Variants in MYOF observed in about 807,000 individuals in gnomAD.
MYOF encodes fer-1-like 3, myoferlin.
Under a neutral mutation model 284.2 loss-of-function variants are expected in MYOF, and 244 were observed. The observed-to-expected ratio is 0.86, with a 90% CI of 0.77 to 0.95. The LOEUF is 0.95. MYOF is among the 40% of genes least tolerant of loss of function. The pLI is 0.00. For missense variants in MYOF, 2,496 were observed against 2,560.6 expected, an observed-to-expected ratio of 0.97 and a Z score of 0.54; for synonymous variants, 904 against 919.7, an observed-to-expected ratio of 0.98 and a Z score of 0.31.
chr10:93,364,114 G>C (rs769041171), intron 26 of MYOF, 39 bp from the exon 27 acceptor site: 2 of 1,577,106 alleles, frequency 1.3e-6, no homozygotes, highest in Non-Finnish European at 1.7e-6. Flanking sequence ...CAAGGAGACC[G>C]GGTAACCGGC....
chr10:93,368,424 C>G (rs1845424595), intron 25 of MYOF, among the ~76,000 whole-genome samples: 1 of 152,348 alleles, frequency 6.6e-6, no homozygotes, highest in Admixed American at 6.5e-5. Context: ...AGTCTGCATG[C>G]TTAACAAGAG....
chr10:93,335,615 C>A (rs557197960), intron 41 of MYOF, among the ~76,000 whole-genome samples: 1 of 134,772 alleles, frequency 7.4e-6, no homozygotes, highest in African/African-American at 2.7e-5. Context: ...GGAAGAGATG[C>A]GGAGATGGCT....
intron 2 of MYOF, among the ~76,000 whole-genome samples, chr10:93,453,372 G>A (rs2056648424): frequency 6.6e-6 from 1 of 152,114 alleles, no homozygotes; most frequent in Admixed American, 6.6e-5. Context: ...CACCATGTTG[G>A]CCAGGCTGGT....
chr10:93,378,681 A>ATGTGTGTGTGTGTGTG (rs142030025), intron 21 of MYOF, among the ~76,000 whole-genome samples: 2 of 99,330 alleles, frequency 2.0e-5, no homozygotes, highest in African/African-American at 7.8e-5. Flanking sequence ...GTGTGTGTGT[A>ATGTGTGTGTGTGTGTG]TGTGTGTGTG....
intron 3 of MYOF, among the ~76,000 whole-genome samples, chr10:93,438,726 G>A (rs915865025): frequency 6.6e-6 from 1 of 152,114 alleles, no homozygotes; most frequent in Admixed American, 6.5e-5. Flanking sequence ...CTGGGGAGAG[G>A]GGGGCTTGAG....
intron 1 of MYOF, among the ~76,000 whole-genome samples, chr10:93,462,068 C>T (rs2056895427): frequency 6.8e-6 from 1 of 147,008 alleles, no homozygotes; most frequent in Non-Finnish European, 1.5e-5. Context: ...ATGCTCACTG[C>T]AGGCTGGGCA....
At position 93,354,691 on chromosome 10, in the gene MYOF, CT is replaced by C. The variant is rs1564643845; in HGVS notation, c.3404-804del. Among the ~76,000 whole-genome samples, 9 of 151,820 alleles carry C rather than the reference CT, an allele frequency of 5.9e-5. No homozygotes were observed. The East Asian group carries it at 1.7e-3, about 29-fold the overall frequency. On this transcript the variant is annotated intron_variant, in intron 31 of 53. Transcript: ENST00000359263. The stretch of plus-strand genomic sequence containing the variant: ...ACTCTCTCTCTCTCTCTCTCTCTCT[CT>C]CTCTCTCTCTTTGTGAGATAGCAGA...
At chr10:93,323,529 T>A in intron 46 of MYOF, 171 bp from the exon 47 acceptor site, 1 of 638,572 alleles carries the variant, frequency 1.6e-6, no homozygotes, top group Non-Finnish European at 2.6e-6. Flanking sequence ...TAATCTTTTA[T>A]GTACAATGTC....
chr10:93,446,207 C>A (rs1380761855), intron 3 of MYOF, among the ~76,000 whole-genome samples: 2 of 138,700 alleles, frequency 1.4e-5, no homozygotes, highest in African/African-American at 6.9e-5. Flanking sequence ...GGTCGGCCTT[C>A]CACTGCAAGA....
chr10:93,366,002 T>C (rs1043334558), intron 26 of MYOF, among the ~76,000 whole-genome samples: 2 of 151,568 alleles, frequency 1.3e-5, no homozygotes, highest in African/African-American at 4.8e-5. Flanking sequence ...AGTTCTTTTA[T>C]TCTAACCCAG....
At chr10:93,377,527 T>A in intron 21 of MYOF, 98 bp from the exon 22 acceptor site, 1 of 890,656 alleles carries the variant, frequency 1.1e-6, no homozygotes, top group Non-Finnish European at 1.7e-6. Flanking sequence ...TAAATATTTT[T>A]GTATATTCAA....
At chr10:93,463,558 C>A (rs2056933799) in intron 1 of MYOF, among the ~76,000 whole-genome samples, 2 of 151,692 alleles carry the variant, frequency 1.3e-5, no homozygotes, top group Non-Finnish European at 2.9e-5. Flanking sequence ...CACCACCATG[C>A]CCGGCTAATT....
intron 16 of MYOF, among the ~76,000 whole-genome samples, chr10:93,394,446 G>GTTTTTTTTTT (rs1411982961): frequency 6.0e-5 from 2 of 33,482 alleles, no homozygotes; most frequent in Non-Finnish European, 6.6e-5. Flanking sequence ...TCACCATCTT[G>GTTTTTTTTTT]TCTTTTTTTT....
At position 93,312,033 on chromosome 10, in the gene MYOF, C is replaced by A. The variant is rs1375032985; in HGVS notation, c.5889+987G>T. Among the ~76,000 whole-genome samples the A allele has an allele frequency of 2.0e-5, 3 of 152,156 alleles. No homozygotes were observed. The East Asian group carries it at 5.8e-4, about 29-fold the overall frequency. On this transcript the variant is annotated intron_variant, in intron 51 of 53. Coordinates refer to ENST00000359263, the MANE Select transcript of MYOF (RefSeq NM_013451.4). ...TTGATTATGGTTCAGTGAGTGTCTA[C>A]ATCTGTCAAAAGTCATCAAATTGTG... is the stretch of plus-strand genomic sequence containing the variant.
chr10:93,429,465 T>G (rs2134208770), intron 4 of MYOF, among the ~76,000 whole-genome samples: 1 of 152,214 alleles, frequency 6.6e-6, no homozygotes, highest in East Asian at 1.9e-4. Context: ...GGTCTACATA[T>G]GCTTTCTTCT....
At chr10:93,323,835 C>T (rs1842937155) in intron 46 of MYOF, among the ~76,000 whole-genome samples, 2 of 152,262 alleles carry the variant, frequency 1.3e-5, no homozygotes, top group South Asian at 4.1e-4. Flanking sequence ...CCCATTTTGC[C>T]ATACCCAAGG....
At chr10:93,477,622 G>A (rs1377206062) in intron 1 of MYOF, among the ~76,000 whole-genome samples, 3 of 152,090 alleles carry the variant, frequency 2.0e-5, no homozygotes, top group Non-Finnish European at 4.4e-5. Context: ...GCCAAGGCAG[G>A]CGGATCATGA....
At chr10:93,472,772 G>A (rs1227757332) in intron 1 of MYOF, among the ~76,000 whole-genome samples, 1 of 152,224 alleles carries the variant, frequency 6.6e-6, no homozygotes, top group African/African-American at 2.4e-5. Flanking sequence ...CAAGCTGTTT[G>A]TGCAGCCACA....
intron 1 of MYOF, among the ~76,000 whole-genome samples, chr10:93,468,994 G>A (rs1021669574): frequency 2.0e-5 from 3 of 152,162 alleles, no homozygotes; most frequent in Non-Finnish European, 4.4e-5. Flanking sequence ...CCTCTTTCTG[G>A]CTACACAGCT....
Sources: gnomAD v4.1 joint callset for allele counts (sites outside exome capture counted in the v4.1 genomes callset) on GRCh38, gnomAD v4.1.1 for gene constraint, MANE v1.5 for transcripts, NCBI Gene and HGNC (gene_info 2026-07-23, HGNC 2026-07-21) for gene names.